The following TRIM2 variants were observed in gnomAD, a reference collection of about 807,000 sequenced individuals.
TRIM2 encodes tripartite motif containing 2.
Under a neutral mutation model 75.2 loss-of-function variants are expected in TRIM2, and 20 were observed. The ratio of observed to expected loss-of-function variants is 0.27; its 90% CI spans 0.19 to 0.39. The LOEUF is 0.39. Among genes scored for constraint, TRIM2 ranks in the 10% least tolerant of loss-of-function variants. The probability of loss-of-function intolerance (pLI) is 1.00; values close to 1 mark genes in which losing one functional copy is unlikely to be tolerated. For synonymous variants in TRIM2, 373 were observed against 388.3 expected (o/e 0.96, Z 0.46); for missense variants, 660 against 990.8 (o/e 0.67, Z 4.48).
intron 1 of TRIM2, among the ~76,000 whole-genome samples, chr4:153,171,854 T>TTTTTTTTG (rs754880272): frequency 8.7e-6 from 1 of 114,792 alleles, no homozygotes; most frequent in Admixed American, 8.3e-5. Flanking sequence ...TTTTTTTTTT[T>TTTTTTTTG]CGCTAATGTA....
chr4:153,189,148 C>A (rs960164757), intron 1 of TRIM2, among the ~76,000 whole-genome samples: 4 of 152,210 alleles, frequency 2.6e-5, no homozygotes, highest in African/African-American at 4.8e-5. Context: ...ACCGCACCGG[C>A]CTGGAGAGGC....
intron 1 of TRIM2, among the ~76,000 whole-genome samples, chr4:153,168,904 C>G (rs767659713): frequency 1.3e-5 from 2 of 152,042 alleles, no homozygotes; most frequent in East Asian, 3.9e-4. Context: ...TAGCAAGACC[C>G]CGTCTCTACT....
intron 1 of TRIM2, among the ~76,000 whole-genome samples, chr4:153,261,969 C>G (rs1753692247): frequency 6.6e-6 from 1 of 152,188 alleles, no homozygotes; most frequent in African/African-American, 2.4e-5. Flanking sequence ...GGAAGAAACG[C>G]TGGAGCTGGA....
chr4:153,159,683 T>A, intron 1 of TRIM2, among the ~76,000 whole-genome samples: 1 of 152,152 alleles, frequency 6.6e-6, no homozygotes, highest in East Asian at 1.9e-4. Context: ...ACTTTAATAC[T>A]TGAAAAGATT....
chr4:153,187,360 C>T (rs1218167693), intron 1 of TRIM2, among the ~76,000 whole-genome samples: 2 of 152,128 alleles, frequency 1.3e-5, no homozygotes, highest in Non-Finnish European at 2.9e-5. Flanking sequence ...CATTTACCGA[C>T]GTGGAGGATT....
In TRIM2 at chr4:153,335,178, A is replaced by T; in HGVS notation, c.*212A>T. 1.6e-6 allele frequency: 2 copies of T among 1,243,890 alleles called. No homozygotes were observed. The highest frequency in any genetic ancestry group is 3.1e-5 in the East Asian group (1 of 31,772). The allele number at this position is 1,243,890 out of a possible 1,614,324, so 77.1% of individuals were successfully genotyped here. On this transcript the variant is annotated 3_prime_UTR_variant, in exon 12 of 12. Transcript: ENST00000338700. ...AGGGTTAAAAAAAACTCTTCTACTG[A>T]ATCTATAAAAACTGCAGTTTTACAT... is the stretch of plus-strand genomic sequence containing the variant.
At chr4:153,291,277 G>A (rs1363280200) in intron 3 of TRIM2, among the ~76,000 whole-genome samples, 8 of 152,166 alleles carry the variant, frequency 5.3e-5, no homozygotes, top group African/African-American at 1.9e-4. Flanking sequence ...ATGTAACATA[G>A]TGAGTCTTAA....
chr4:153,336,565 C>T lies in TRIM2; in HGVS notation c.*1599C>T, dbSNP rs1417221198. On this transcript the variant is annotated 3_prime_UTR_variant, in exon 12 of 12. Transcript: ENST00000338700. ...TACTCAGTTCTACCAAATAGGATGT[C>T]ATGTTTGACATTTTTGATAGTGACT... is the stretch of plus-strand genomic sequence containing the variant. The T allele has an allele frequency of 1.0e-6, 1 of 985,760 alleles. No homozygotes were observed. Among genetic ancestry groups the T allele is most frequent in the African/African-American group, 1.7e-5 (1 of 57,326 alleles). 61.1% of individuals were successfully genotyped at this position (985,760 alleles called of 1,614,324 possible).
chr4:153,199,797 AG>A (rs1323506602), upstream of TRIM2, among the ~76,000 whole-genome samples: 3 of 152,064 alleles, frequency 2.0e-5, no homozygotes, highest in Admixed American at 6.5e-5. Context: ...TTTAAGACAC[AG>A]GGTCTTGCTC....
At chr4:153,277,131 T>A (rs1231666088) in intron 3 of TRIM2, among the ~76,000 whole-genome samples, 2 of 152,210 alleles carry the variant, frequency 1.3e-5, no homozygotes, top group Non-Finnish European at 2.9e-5. Context: ...TCTCCCAGCA[T>A]TCTCTCTGCA....
At chr4:153,257,424 AGACCGATTG>A in intron 1 of TRIM2, 1 of 1,190,090 alleles carries the variant, frequency 8.4e-7, no homozygotes, top group South Asian at 1.6e-5. Context: ...TGTAAGATCA[AGACCGATTG>A]GTGTGAATAC....
chr4:153,285,591 G>A (rs1760432644), intron 3 of TRIM2, among the ~76,000 whole-genome samples: 1 of 152,112 alleles, frequency 6.6e-6, no homozygotes, highest in South Asian at 2.1e-4. Flanking sequence ...CCAAAGTCCT[G>A]GGATTACAGG....
intron 6 of TRIM2, among the ~76,000 whole-genome samples, chr4:153,299,220 C>T (rs1352963760): frequency 5.3e-5 from 8 of 152,032 alleles, no homozygotes. Context: ...TTTTAGATTC[C>T]TCATATAAGT....
chr4:153,312,966 A>G (rs558603135), intron 6 of TRIM2, among the ~76,000 whole-genome samples: 1 of 152,308 alleles, frequency 6.6e-6, no homozygotes, highest in Admixed American at 6.5e-5. Flanking sequence ...TAAAACAAAT[A>G]TAAAATAAAA....
At chr4:153,317,582 G>A (rs368556869) in intron 8 of TRIM2, among the ~76,000 whole-genome samples, 19 of 151,758 alleles carry the variant, frequency 1.3e-4, no homozygotes, top group African/African-American at 4.1e-4. Context: ...CCCGGGAGGC[G>A]GAGCTTGCAG....
chr4:153,181,984 A>G (rs780962082), intron 1 of TRIM2, among the ~76,000 whole-genome samples: 3 of 152,194 alleles, frequency 2.0e-5, no homozygotes, highest in African/African-American at 4.8e-5. Flanking sequence ...CCTAATGAAC[A>G]GCTTTACTCC....
At chr4:153,179,382 TG>T (rs1303510805) in intron 1 of TRIM2, among the ~76,000 whole-genome samples, 1 of 151,172 alleles carries the variant, frequency 6.6e-6, no homozygotes, top group Non-Finnish European at 1.5e-5. Context: ...TATTATTATT[TG>T]ATTATTAATA....
At chr4:153,205,475 G>A (rs985261776) in intron 1 of TRIM2, among the ~76,000 whole-genome samples, 2 of 152,104 alleles carry the variant, frequency 1.3e-5, no homozygotes, top group African/African-American at 4.8e-5. Flanking sequence ...ACAACATCTC[G>A]AGTCCTGGGA....
chr4:153,324,509 TAA>T, intron 10 of TRIM2: 1 of 204,646 alleles, frequency 4.9e-6, no homozygotes. Flanking sequence ...ATCTTTTTGT[TAA>T]AAAAAAAATT....
Sources: gnomAD v4.1 joint callset for allele counts (sites outside exome capture counted in the v4.1 genomes callset) on GRCh38, gnomAD v4.1.1 for gene constraint, MANE v1.5 for transcripts, NCBI Gene and HGNC (gene_info 2026-07-23, HGNC 2026-07-21) for gene names.